Variants in ADAMTS17 observed in about 807,000 individuals in gnomAD.
The protein encoded by ADAMTS17 is A disintegrin and metalloproteinase with thrombospondin motifs 17.
In ADAMTS17, 113 loss-of-function variants were observed where a neutral mutation model predicts 141.5. The ratio of observed to expected loss-of-function variants is 0.80; its 90% CI spans 0.69 to 0.93. ADAMTS17 has a LOEUF of 0.93. Ranked by LOEUF, ADAMTS17 falls within the 40% of genes least tolerant of loss-of-function variation. ADAMTS17 has a pLI of 0.00. For synonymous variants in ADAMTS17, 768 were observed against 630.6 expected, an observed-to-expected ratio of 1.22 and a Z score of -3.27; for missense variants, 1,659 against 1,517.9, an observed-to-expected ratio of 1.09 and a Z score of -1.54.
chr15:100,309,054 G>A (rs142002662), intron 3 of ADAMTS17, among the ~76,000 whole-genome samples: 7 of 152,342 alleles, frequency 4.6e-5, no homozygotes, highest in African/African-American at 9.6e-5. Context: ...GAGGCTGGAC[G>A]CTGCATGCCC....
At chr15:100,159,516 TGA>T (rs1424762114) in intron 8 of ADAMTS17, among the ~76,000 whole-genome samples, 2 of 152,182 alleles carry the variant, frequency 1.3e-5, no homozygotes, top group Admixed American at 6.5e-5. Flanking sequence ...ATAAAACTGG[TGA>T]GAGAGTTTTT....
chr15:100,228,880 C>T (rs1185838051), intron 7 of ADAMTS17, among the ~76,000 whole-genome samples: 1 of 152,230 alleles, frequency 6.6e-6, no homozygotes, highest in Non-Finnish European at 1.5e-5. Context: ...GTGGGCTCAC[C>T]ACCCACAGTG....
At chr15:100,044,893 T>C (rs1229853320) in intron 18 of ADAMTS17, among the ~76,000 whole-genome samples, 1 of 151,896 alleles carries the variant, frequency 6.6e-6, no homozygotes, top group Non-Finnish European at 1.5e-5. Flanking sequence ...CTGCAACCTC[T>C]GTATCCCAGG....
chr15:100,207,318 G>A (rs1461791695), intron 7 of ADAMTS17, among the ~76,000 whole-genome samples: 1 of 152,192 alleles, frequency 6.6e-6, no homozygotes, highest in African/African-American at 2.4e-5. Flanking sequence ...CAGTCCTACT[G>A]GCACTGCGGA....
At chr15:100,166,268 T>C (rs1336127699) in intron 8 of ADAMTS17, among the ~76,000 whole-genome samples, 3 of 152,234 alleles carry the variant, frequency 2.0e-5, no homozygotes, top group East Asian at 1.9e-4. Flanking sequence ...TGCATGTTGG[T>C]CTTATGATAC....
intron 10 of ADAMTS17, 25 bp from the exon 11 acceptor site, chr15:100,133,340 A>C: frequency 6.4e-7 from 1 of 1,558,326 alleles, no homozygotes; most frequent in Non-Finnish European, 8.7e-7. Flanking sequence ...AAGGAACCAT[A>C]ATTGTGGAGA....
intron 4 of ADAMTS17, among the ~76,000 whole-genome samples, chr15:100,278,426 C>G (rs182218323): frequency 6.6e-6 from 1 of 151,990 alleles, no homozygotes; most frequent in African/African-American, 2.4e-5. Flanking sequence ...GGGGTGGGAG[C>G]AGCATGGCAC....
At chr15:100,341,705 C>T (rs1254989268) in intron 1 of ADAMTS17, 116 bp downstream of exon 1, 20 of 1,337,968 alleles carry the variant, frequency 1.5e-5, no homozygotes. Context: ...GCCTCCTCCG[C>T]TCGGGCGCCG....
Position 100,242,118 on chromosome 15 carries a change from G to A in ADAMTS17, c.1075+12018C>T, listed in dbSNP as rs556264770. Among the ~76,000 whole-genome samples, 5 of 152,274 alleles carry A rather than the reference G, an allele frequency of 3.3e-5. No homozygotes were observed. The South Asian group carries it at 6.2e-4, about 19-fold the overall frequency. On this transcript the variant is annotated intron_variant, in intron 7 of 21. Transcript: ENST00000268070. ...GAGCCTGGGGGACTGCCTGAAACACGCAAGCTACAAACAAACATTCTCCCT... is the reference window on the plus strand; with the variant it reads ...GAGCCTGGGGGACTGCCTGAAACACACAAGCTACAAACAAACATTCTCCCT...
chr15:100,207,397 A>T (rs556624998), intron 7 of ADAMTS17, among the ~76,000 whole-genome samples: 2 of 152,194 alleles, frequency 1.3e-5, no homozygotes, highest in East Asian at 3.9e-4. Context: ...AGTATTCTAT[A>T]AGAGGAGCTC....
intron 7 of ADAMTS17, among the ~76,000 whole-genome samples, chr15:100,253,049 G>C (rs2043201500): frequency 6.6e-6 from 1 of 152,016 alleles, no homozygotes; most frequent in South Asian, 2.1e-4. Flanking sequence ...TTTTCAACAT[G>C]TGAATTTCAT....
intron 8 of ADAMTS17, among the ~76,000 whole-genome samples, chr15:100,182,677 G>T (rs1445623245): frequency 6.6e-6 from 1 of 152,212 alleles, no homozygotes; most frequent in East Asian, 1.9e-4. Flanking sequence ...CACTTTTGGT[G>T]TAGATAGCTG....
intron 7 of ADAMTS17, among the ~76,000 whole-genome samples, chr15:100,232,618 C>T (rs2042519685): frequency 6.6e-6 from 1 of 152,258 alleles, no homozygotes; most frequent in South Asian, 2.1e-4. Context: ...CCACAAAGGG[C>T]TCTGGCGGTA....
rs536741139 is a variant in ADAMTS17, at chr15:100,044,472, G to A, written c.2591+4385C>T. ...CATGGAGTGAATTTTTAAAATTTCA[G>A]ATATTGTATTTATTTTTTAGTCCTA... On this transcript the variant is annotated intron_variant, in intron 18 of 21. Transcript: ENST00000268070. 2.6e-5 allele frequency among the ~76,000 whole-genome samples: 4 copies of A among 152,290 alleles called. 1 individual carries two copies. Among genetic ancestry groups the A allele is most frequent in the African/African-American group, 9.6e-5 (4 of 41,560 alleles).
chr15:100,159,850 C>T (rs7173544), intron 8 of ADAMTS17, among the ~76,000 whole-genome samples: 27,439 of 152,166 alleles, frequency 0.18, 3,933 homozygotes, highest in African/African-American at 0.4. Flanking sequence ...ATTGTATCAA[C>T]GATGTGAAAC....
intron 15 of ADAMTS17, among the ~76,000 whole-genome samples, chr15:100,082,097 C>T (rs577783883): frequency 6.6e-6 from 1 of 152,250 alleles, no homozygotes; most frequent in African/African-American, 2.4e-5. Context: ...AAGAGTCTTG[C>T]TTCTGTTGCC....
intron 8 of ADAMTS17, among the ~76,000 whole-genome samples, chr15:100,180,903 C>T (rs564953176): frequency 2.6e-4 from 39 of 152,320 alleles, no homozygotes; most frequent in African/African-American, 7.0e-4. Context: ...CCCTTCAGGG[C>T]GGCAAGTTCC....
At chr15:100,265,230 C>T (rs1164653190) in intron 4 of ADAMTS17, among the ~76,000 whole-genome samples, 1 of 152,202 alleles carries the variant, frequency 6.6e-6, no homozygotes, top group Admixed American at 6.5e-5. Flanking sequence ...CGTGCCAAGC[C>T]AGGCGAGCCA....
At chr15:99,992,681 T>C (rs1251815752) in intron 20 of ADAMTS17, among the ~76,000 whole-genome samples, 4 of 152,086 alleles carry the variant, frequency 2.6e-5, no homozygotes, top group Non-Finnish European at 5.9e-5. Context: ...ATGGAAGTGA[T>C]GTTTGCCCCA....
Sources: allele counts gnomAD v4.1 joint callset (sites outside exome capture counted in the v4.1 genomes callset), GRCh38; gene constraint gnomAD v4.1.1; transcripts MANE v1.5; gene names NCBI Gene and HGNC (gene_info 2026-07-23, HGNC 2026-07-21).